CACNG2: variants seen among roughly 807,000 people sequenced by gnomAD.
CACNG2 encodes calcium voltage-gated channel auxiliary subunit gamma 2.
A neutral mutation model predicts 25.9 loss-of-function variants in CACNG2; 3 were observed. The ratio of observed to expected loss-of-function variants is 0.12; its 90% CI spans 0.05 to 0.30. The LOEUF (loss-of-function observed/expected upper bound fraction) is 0.30. Ranked by LOEUF, CACNG2 falls within the 10% of genes least tolerant of loss-of-function variation. CACNG2 has a pLI of 1.00. For missense variants in CACNG2, 341 were observed against 432.5 expected, an observed-to-expected ratio of 0.79 and a Z score of 1.88; for synonymous variants, 167 against 173.3, an observed-to-expected ratio of 0.96 and a Z score of 0.29.
chr22:36,653,897 T>G (rs2145977386), intron 1 of CACNG2, among the ~76,000 whole-genome samples: 1 of 149,314 alleles, frequency 6.7e-6, no homozygotes, highest in African/African-American at 2.5e-5. Context: ...AGAATCCTCT[T>G]GAAAACATGA....
At chr22:36,590,269 CCGTG>C in intron 1 of CACNG2, among the ~76,000 whole-genome samples, 1 of 152,284 alleles carries the variant, frequency 6.6e-6, no homozygotes, top group East Asian at 1.9e-4. Context: ...AACAGAGAGG[CCGTG>C]CGAGATAATC....
At chr22:36,581,765 T>G (rs903782469) in intron 2 of CACNG2, among the ~76,000 whole-genome samples, 12 of 152,218 alleles carry the variant, frequency 7.9e-5, no homozygotes, top group African/African-American at 2.9e-4. Context: ...TTCATGGCTT[T>G]AAATATCACC....
chr22:36,582,477 C>T (rs1175217804), intron 2 of CACNG2, among the ~76,000 whole-genome samples: 1 of 150,894 alleles, frequency 6.6e-6, no homozygotes, highest in African/African-American at 2.4e-5. Flanking sequence ...ATGGTCTCAG[C>T]TCACTGCAAC....
chr22:36,627,758 G>T (rs1383897482), intron 1 of CACNG2, among the ~76,000 whole-genome samples: 1 of 151,866 alleles, frequency 6.6e-6, no homozygotes, highest in African/African-American at 2.4e-5. Context: ...AAGTAGCTGG[G>T]ACTACAGGCG....
intron 1 of CACNG2, among the ~76,000 whole-genome samples, chr22:36,675,323 C>T (rs1215168137): frequency 2.0e-5 from 3 of 152,132 alleles, no homozygotes; most frequent in Non-Finnish European, 4.4e-5. Flanking sequence ...GGATTACAGG[C>T]ATGAGCCACC....
chr22:36,564,921 A>G lies in CACNG2; in HGVS notation c.437-35T>C. 6.3e-7 allele frequency: 1 copy of G among 1,590,304 alleles called. No homozygotes were observed. The highest frequency in any genetic ancestry group is 8.6e-7 in the Non-Finnish European group (1 of 1,167,674). On this transcript the variant is annotated intron_variant, in intron 3 of 3. Transcript: ENST00000300105. This position sits in a 1 kb window ranked among gnomAD's most constrained non-coding sequence, Gnocchi z 6.7. ...GCAGGGTGGCGGGGTGGGGGATCAG[A>G]GAGAAGGACGTTAGTTTCTCAGGAA...
chr22:36,621,738 CTGCCAG>C (rs1936109126), intron 1 of CACNG2, among the ~76,000 whole-genome samples: 1 of 152,304 alleles, frequency 6.6e-6, no homozygotes, highest in East Asian at 1.9e-4. Context: ...GTGTCCTCCC[CTGCCAG>C]TGCAGGCTCC....
At chr22:36,676,311 A>T (rs1365546400) in intron 1 of CACNG2, among the ~76,000 whole-genome samples, 1 of 152,198 alleles carries the variant, frequency 6.6e-6, no homozygotes, top group Non-Finnish European at 1.5e-5. Flanking sequence ...TAGCGGTGGC[A>T]GAAGATTATT....
intron 1 of CACNG2, among the ~76,000 whole-genome samples, chr22:36,600,745 C>G (rs1239816625): frequency 6.6e-6 from 1 of 152,080 alleles, no homozygotes; most frequent in Non-Finnish European, 1.5e-5. Flanking sequence ...TGGAGTTTTA[C>G]TATGTTGGCC....
At chr22:36,601,439 A>G (rs1361340234) in intron 1 of CACNG2, among the ~76,000 whole-genome samples, 1 of 152,130 alleles carries the variant, frequency 6.6e-6, no homozygotes, top group African/African-American at 2.4e-5. Flanking sequence ...TTGTTTCCAT[A>G]TTTTGGCTAT....
At chr22:36,641,711 G>T (rs963391590) in intron 1 of CACNG2, among the ~76,000 whole-genome samples, 1 of 152,164 alleles carries the variant, frequency 6.6e-6, no homozygotes, top group African/African-American at 2.4e-5. Context: ...AATATGAACA[G>T]AATTTAGATG....
intron 1 of CACNG2, among the ~76,000 whole-genome samples, chr22:36,619,146 C>T (rs921812856): frequency 1.3e-5 from 2 of 152,070 alleles, no homozygotes; most frequent in Non-Finnish European, 2.9e-5. Context: ...GGCCCAAGAT[C>T]GCAGTGTTTC....
intron 1 of CACNG2, among the ~76,000 whole-genome samples, chr22:36,671,043 T>C (rs1004229814): frequency 4.0e-5 from 6 of 151,856 alleles, no homozygotes; most frequent in Non-Finnish European, 7.4e-5. Context: ...CTCAGCCTCC[T>C]GAGTAGCTGG....
At chr22:36,671,928 G>C (rs146713736) in intron 1 of CACNG2, among the ~76,000 whole-genome samples, 1 of 152,132 alleles carries the variant, frequency 6.6e-6, no homozygotes, top group Non-Finnish European at 1.5e-5. Flanking sequence ...GTATTCTTGG[G>C]GATAAGAGGT....
chr22:36,577,434 G>T (rs184372145), intron 2 of CACNG2, among the ~76,000 whole-genome samples: 1 of 151,744 alleles, frequency 6.6e-6, no homozygotes, highest in African/African-American at 2.4e-5. Flanking sequence ...GGTGGATCAC[G>T]AGGTCAAGAG....
At chr22:36,678,674 A>C (rs1937047446) in intron 1 of CACNG2, among the ~76,000 whole-genome samples, 1 of 126,388 alleles carries the variant, frequency 7.9e-6, no homozygotes, top group African/African-American at 3.1e-5. Context: ...TTCCACCCCC[A>C]TGCCAGTCAC....
chr22:36,581,214 G>A (rs960624499), intron 2 of CACNG2, among the ~76,000 whole-genome samples: 5 of 152,160 alleles, frequency 3.3e-5, no homozygotes, highest in African/African-American at 4.8e-5. Context: ...TAGGTGGGGC[G>A]AAATCCATAT....
At chr22:36,674,452 C>G (rs1279968270) in intron 1 of CACNG2, among the ~76,000 whole-genome samples, 1 of 152,170 alleles carries the variant, frequency 6.6e-6, no homozygotes, top group Non-Finnish European at 1.5e-5. Flanking sequence ...CCTCAGCCTC[C>G]TGGGTAGCTG....
At chr22:36,699,542 G>T (rs1048141067) in intron 1 of CACNG2, among the ~76,000 whole-genome samples, 3 of 151,494 alleles carry the variant, frequency 2.0e-5, no homozygotes, top group Non-Finnish European at 2.9e-5. Context: ...AGGAAGACAG[G>T]GTTGTTTTTC....
Sources: gnomAD v4.1 joint callset for allele counts (sites outside exome capture counted in the v4.1 genomes callset) on GRCh38, gnomAD v4.1.1 for gene constraint, Gnocchi (gnomAD v3.1) non-coding constraint, MANE v1.5 for transcripts, NCBI Gene and HGNC (gene_info 2026-07-23, HGNC 2026-07-21) for gene names.